PLEKHH1: variants seen among roughly 807,000 people sequenced by gnomAD.
The protein encoded by PLEKHH1 is pleckstrin homology, MyTH4 and FERM domain containing H1.
PLEKHH1 carries 104 observed loss-of-function variants against 160.0 expected under a neutral mutation model. That is an observed-to-expected ratio of 0.65 (90% CI 0.55 to 0.76). PLEKHH1 has a LOEUF of 0.76. Ranked by LOEUF, PLEKHH1 falls within the 30% of genes least tolerant of loss-of-function variation. PLEKHH1 has a pLI of 0.00. For synonymous variants in PLEKHH1, 619 were observed against 678.4 expected (o/e 0.91, Z 1.36); for missense variants, 1,427 against 1,724.1 (o/e 0.83, Z 3.05).
At chr14:67,572,593 GC>G (rs1211299007) in intron 11 of PLEKHH1, among the ~76,000 whole-genome samples, 2 of 147,156 alleles carry the variant, frequency 1.4e-5, no homozygotes, top group African/African-American at 4.9e-5. Context: ...GAATACTAAC[GC>G]AAGCTAACAT....
chr14:67,540,651 TA>T lies in PLEKHH1; in HGVS notation c.-34-1177del, dbSNP rs574017038. Among the ~76,000 whole-genome samples the T allele has an allele frequency of 5.7e-4, 86 of 151,718 alleles. 1 individual carries two copies. In the South Asian group the frequency reaches 0.013, roughly 23 times the overall value. On this transcript the variant is annotated intron_variant, in intron 1 of 28. Coordinates refer to ENST00000329153, the MANE Select transcript of PLEKHH1 (RefSeq NM_020715.3). The stretch of plus-strand genomic sequence containing the variant: ...AAAAAAAAAAAAAAAATTATCACCC[TA>T]AAAAATTAACAATTATTCCTTAAAA...
chr14:67,539,000 A>G (rs1455313810), intron 1 of PLEKHH1, among the ~76,000 whole-genome samples: 1 of 152,224 alleles, frequency 6.6e-6, no homozygotes, highest in African/African-American at 2.4e-5. Flanking sequence ...AGAGGGAATC[A>G]ATATTAATCA....
intron 9 of PLEKHH1, chr14:67,571,481 C>T (rs140713553): frequency 8.7e-5 from 33 of 380,396 alleles, no homozygotes; most frequent in East Asian, 6.3e-4. Flanking sequence ...TGGCAAGGAG[C>T]GAGGGTCACA....
chr14:67,556,404 G>C (rs1462668493), intron 3 of PLEKHH1, among the ~76,000 whole-genome samples: 3 of 152,164 alleles, frequency 2.0e-5, no homozygotes, highest in Non-Finnish European at 4.4e-5. Context: ...CCAAAGTGCT[G>C]AGATTACAGG....
intron 8 of PLEKHH1, 119 bp from the exon 9 acceptor site, chr14:67,569,802 T>G: frequency 1.4e-6 from 1 of 702,824 alleles, no homozygotes; most frequent in Non-Finnish European, 2.6e-6. Context: ...GGCCCCCCTC[T>G]TGAGATCTGT....
At chr14:67,563,962 C>T (rs540676358) in intron 7 of PLEKHH1, among the ~76,000 whole-genome samples, 2 of 150,478 alleles carry the variant, frequency 1.3e-5, no homozygotes, top group African/African-American at 2.5e-5. Flanking sequence ...AGTGCAGTGG[C>T]ACAATCTCAG....
At chr14:67,570,155 T>C in intron 9 of PLEKHH1, 143 bp downstream of exon 9, 1 of 703,664 alleles carries the variant, frequency 1.4e-6, no homozygotes, top group Non-Finnish European at 2.3e-6. Flanking sequence ...ACGTGTCATT[T>C]TGTTTTATTG....
In PLEKHH1 at chr14:67,576,361, C is replaced by T. The variant is rs771279001; in HGVS notation, c.2353-34C>T. The T allele has an allele frequency of 1.7e-5, 21 of 1,235,866 alleles. No homozygotes were observed. The highest frequency in any genetic ancestry group is 2.5e-5 in the Non-Finnish European group (21 of 843,214). The allele number at this position is 1,235,866 out of a possible 1,614,324, so 76.6% of individuals were successfully genotyped here. A position where few individuals can be genotyped will look rare whatever the true frequency, so the allele number is the denominator to read the frequency against. On this transcript the variant is annotated intron_variant, in intron 16 of 28. Coordinates refer to ENST00000329153, the MANE Select transcript of PLEKHH1 (RefSeq NM_020715.3). The surrounding 1 kb of genome is among the most constrained non-coding windows in gnomAD (Gnocchi z 4.0). ...GCTCTTGCCTCCACTCTTCCCACCC[C>T]GTCCCCATCCGATGGCTTTCCGCCC...
intron 1 of PLEKHH1, 94 bp downstream of exon 1, chr14:67,533,492 A>AGGACGGCCCCTCGGGCCCG (rs1194685947): frequency 1.3e-5 from 2 of 151,662 alleles, no homozygotes; most frequent in South Asian, 2.1e-4. Context: ...CCTCGGGCCC[A>AGGACGGCCCCTCGGGCCCG]GAGGACGATC....
At chr14:67,566,669 G>C (rs1365082669) in intron 7 of PLEKHH1, among the ~76,000 whole-genome samples, 1 of 151,494 alleles carries the variant, frequency 6.6e-6, no homozygotes, top group Non-Finnish European at 1.5e-5. Flanking sequence ...TTAAGTTTGA[G>C]CCCAGGGAGG....
chr14:67,574,153 G>T lies in PLEKHH1; in HGVS notation c.1927-89G>T. ...GGCAGGCAGAAGGCCAGCCCCTTGG[G>T]TTCAGGGACAGGTGCCACCTCGGAG... is the stretch of plus-strand genomic sequence containing the variant. On this transcript the variant is annotated intron_variant, in intron 13 of 28. Coordinates refer to ENST00000329153, the MANE Select transcript of PLEKHH1 (RefSeq NM_020715.3). The surrounding 1 kb of genome is among the most constrained non-coding windows in gnomAD (Gnocchi z 4.2). The T allele has an allele frequency of 8.1e-7, 1 of 1,233,078 alleles. No homozygotes were observed. Among genetic ancestry groups the T allele is most frequent in the Non-Finnish European group, 1.1e-6 (1 of 895,178 alleles). 76.4% of individuals were successfully genotyped at this position (1,233,078 alleles called of 1,614,324 possible).
rs905744024 is a variant in PLEKHH1 at position 67,573,737 on chromosome 14, TA to T, written c.1840-61del. 53 of 1,038,832 alleles carry T rather than the reference TA, an allele frequency of 5.1e-5. 1 individual carries two copies. The highest frequency in any genetic ancestry group is 4.2e-4 in the African/African-American group (27 of 63,904). 64.4% of individuals were successfully genotyped at this position (1,038,832 alleles called of 1,614,324 possible). On this transcript the variant is annotated intron_variant, in intron 12 of 28. Coordinates refer to ENST00000329153, the MANE Select transcript of PLEKHH1 (RefSeq NM_020715.3). This position sits in a 1 kb window ranked among gnomAD's most constrained non-coding sequence, Gnocchi z 4.8. Reference sequence around the variant, plus strand: ...TATGACGTGGAGGAAGATCTGAGGGTAAATGAGGTGCTCCGGAAAGGCTCCA... The same window carrying T: ...TATGACGTGGAGGAAGATCTGAGGGTAATGAGGTGCTCCGGAAAGGCTCCA...
At chr14:67,556,399 G>A (rs1018807771) in intron 3 of PLEKHH1, among the ~76,000 whole-genome samples, 4 of 152,158 alleles carry the variant, frequency 2.6e-5, no homozygotes, top group Admixed American at 1.3e-4. Context: ...GCCTCCCAAA[G>A]TGCTGAGATT....
At chr14:67,585,850 G>A in intron 27 of PLEKHH1, 101 bp from the exon 28 acceptor site, 1 of 1,268,644 alleles carries the variant, frequency 7.9e-7, no homozygotes, top group Non-Finnish European at 1.1e-6. Context: ...GACCACTTGG[G>A]AGTTCTCCTT....
rs555080016 is a variant in PLEKHH1 at position 67,570,588 on chromosome 14, A to G, written c.1434+576A>G. The G allele has an allele frequency of 2.0e-5, 3 of 153,266 alleles. No homozygotes were observed. In the East Asian group the frequency reaches 5.8e-4, roughly 29 times the overall value. The allele number at this position is 153,266 out of a possible 1,614,324, so 9.5% of individuals were successfully genotyped here. On this transcript the variant is annotated intron_variant, in intron 9 of 28. Transcript: ENST00000329153. The stretch of plus-strand genomic sequence containing the variant: ...AGTGTTTATTCAGTAAGGCCTTCCG[A>G]TGCATTTATAAATATGCAGCACACT...
chr14:67,581,575 T>A, intron 23 of PLEKHH1: 1 of 168,624 alleles, frequency 5.9e-6, no homozygotes, highest in Non-Finnish European at 1.3e-5. Context: ...GATGGCTAAG[T>A]GTGTTACTTT....
In PLEKHH1 at chr14:67,573,411, G is replaced by A. The variant is rs1466377119; in HGVS notation, c.1839+25G>A. ...GGTGAGAGTCTCCCCGCCCAGCACT[G>A]CAGTCAAAAGGTCTCCACATCACAC... is the stretch of plus-strand genomic sequence containing the variant. On this transcript the variant is annotated intron_variant, in intron 12 of 28. Transcript: ENST00000329153. The surrounding 1 kb of genome is among the most constrained non-coding windows in gnomAD (Gnocchi z 4.8). 2 of 1,340,480 alleles carry A rather than the reference G, an allele frequency of 1.5e-6. No individual in the cohort carries two copies. The highest frequency in any genetic ancestry group is 3.4e-5 in the Admixed American group (2 of 59,548). The allele number at this position is 1,340,480 out of a possible 1,614,324, so 83.0% of individuals were successfully genotyped here.
At chr14:67,553,879 T>C (rs899926895) in intron 2 of PLEKHH1, among the ~76,000 whole-genome samples, 1 of 152,108 alleles carries the variant, frequency 6.6e-6, no homozygotes, top group Non-Finnish European at 1.5e-5. Context: ...TCAGCTTCCA[T>C]CTAGAGGTTT....
intron 26 of PLEKHH1, chr14:67,585,166 G>T (rs4902494): frequency 0.21 from 34,595 of 164,020 alleles, 4,444 homozygotes; most frequent in Non-Finnish European, 0.29. Flanking sequence ...ACTTCGGCTT[G>T]GAGACTATAG....
Sources: allele counts gnomAD v4.1 joint callset (sites outside exome capture counted in the v4.1 genomes callset), GRCh38; gene constraint gnomAD v4.1.1; non-coding constraint Gnocchi (gnomAD v3.1); transcripts MANE v1.5; gene names NCBI Gene and HGNC (gene_info 2026-07-23, HGNC 2026-07-21).